Variants in ALK observed in about 807,000 individuals in gnomAD.
ALK encodes ALK receptor tyrosine kinase.
ALK carries 74 observed loss-of-function variants against 163.1 expected under a neutral mutation model. The observed-to-expected ratio is 0.45, with a 90% confidence interval of 0.38 to 0.55. The LOEUF (loss-of-function observed/expected upper bound fraction) is 0.55, where lower values mean the gene tolerates loss of function less well. ALK is among the 20% of genes least tolerant of loss of function. The pLI is 0.00. For synonymous variants in ALK, 960 were observed against 843.2 expected, an observed-to-expected ratio of 1.14 and a Z score of -2.40; for missense variants, 2,063 against 2,105.3, an observed-to-expected ratio of 0.98 and a Z score of 0.39.
intron 3 of ALK, among the ~76,000 whole-genome samples, chr2:29,573,846 T>A (rs2148192315): frequency 6.6e-6 from 1 of 152,006 alleles, no homozygotes; most frequent in African/African-American, 2.4e-5. Flanking sequence ...ATTCATGCAA[T>A]AAGGGAAAAT....
intron 5 of ALK, among the ~76,000 whole-genome samples, chr2:29,353,147 A>G (rs1455456884): frequency 6.6e-6 from 1 of 152,206 alleles, no homozygotes; most frequent in Non-Finnish European, 1.5e-5. Context: ...TCACTATTGT[A>G]AAACCTAAAA....
chr2:29,202,547 A>G (rs191250658), intron 26 of ALK, among the ~76,000 whole-genome samples: 2 of 152,360 alleles, frequency 1.3e-5, no homozygotes, highest in East Asian at 1.9e-4. Flanking sequence ...GTATCCTACA[A>G]TTGTATGTTT....
intron 4 of ALK, among the ~76,000 whole-genome samples, chr2:29,413,806 TAC>T (rs752623460): frequency 7.9e-5 from 12 of 152,214 alleles, no homozygotes; most frequent in Non-Finnish European, 1.5e-4. Context: ...GTGCTAGGAT[TAC>T]AGGCTTGAGG....
chr2:29,586,894 G>A (rs113089308), intron 3 of ALK, among the ~76,000 whole-genome samples: 2,215 of 152,226 alleles, frequency 0.015, 48 homozygotes, highest in African/African-American at 0.051. Context: ...ACAATTAAGG[G>A]TGATTATTTT....
Position 29,220,810 on chromosome 2 carries a change from G to A in ALK, c.3541C>T (p.Arg1181Cys), listed in dbSNP as rs56315533. Reference protein sequence around the residue: ...ISKFNHQNIVRCIGVSLQSLP... With the variant: ...ISKFNHQNIVCCIGVSLQSLP... ...GATTGCAGGCTCACCCCAATGCAGC[G>A]AACAATGTTCTGGTGGTTGAATTTG... Residue 1181 changes from arginine to cysteine, a missense_variant, in exon 23 of 29, where the codon CGC becomes TGC. This residue lies in a region of ALK where 575 missense variants were observed against 626.6 expected (regional missense o/e 0.92). Transcript: ENST00000389048. 60 of 1,614,014 alleles carry A rather than the reference G, an allele frequency of 3.7e-5. No individual in the cohort carries two copies. The highest frequency in any genetic ancestry group is 4.4e-5 in the Non-Finnish European group (52 of 1,179,984).
At chr2:29,266,310 C>T (rs2148208919) in intron 11 of ALK, among the ~76,000 whole-genome samples, 1 of 152,270 alleles carries the variant, frequency 6.6e-6, no homozygotes, top group South Asian at 2.1e-4. Context: ...ATATTAACCT[C>T]CCCTCCAGAT....
chr2:29,694,829 C>T lies in ALK; in HGVS notation c.952+21G>A, dbSNP rs753069376. On this transcript the variant is annotated intron_variant, in intron 3 of 28. Coordinates refer to ENST00000389048, the MANE Select transcript of ALK (RefSeq NM_004304.5). ...CCTGGCCCTGACCCACCCAGGACAT[C>T]ACCAGCAGCCTCTCCCTTACCTCTG... 9.3e-6 allele frequency: 15 copies of T among 1,613,192 alleles called. No individual in the cohort carries two copies. The Admixed American group carries it at 2.5e-4, about 27-fold the overall frequency.
chr2:29,566,000 G>A (rs1301262776), intron 3 of ALK, among the ~76,000 whole-genome samples: 2 of 152,158 alleles, frequency 1.3e-5, no homozygotes, highest in Non-Finnish European at 2.9e-5. Context: ...GACTCTCCCA[G>A]TGTGTCAAGC....
intron 4 of ALK, among the ~76,000 whole-genome samples, chr2:29,509,085 C>G (rs1013864645): frequency 1.3e-5 from 2 of 152,076 alleles, no homozygotes; most frequent in African/African-American, 4.8e-5. Flanking sequence ...TATGAGAAGA[C>G]CAGGTGCCCA....
intron 11 of ALK, among the ~76,000 whole-genome samples, chr2:29,273,549 G>A (rs1199990518): frequency 6.6e-6 from 1 of 152,214 alleles, no homozygotes; most frequent in Non-Finnish European, 1.5e-5. Flanking sequence ...AATAAACTCA[G>A]GAGTTGAGCA....
intron 5 of ALK, among the ~76,000 whole-genome samples, chr2:29,336,134 G>T (rs1004756015): frequency 6.6e-6 from 1 of 152,184 alleles, no homozygotes; most frequent in South Asian, 2.1e-4. Flanking sequence ...GAGGCCTGGA[G>T]ATCTTGGGCT....
intron 3 of ALK, among the ~76,000 whole-genome samples, chr2:29,590,987 C>T (rs1276555426): frequency 7.1e-6 from 1 of 141,210 alleles, no homozygotes; most frequent in Non-Finnish European, 1.5e-5. Flanking sequence ...AGGAGAATGG[C>T]ATGAACCTGG....
At chr2:29,454,355 C>G (rs1033232552) in intron 4 of ALK, among the ~76,000 whole-genome samples, 1 of 152,148 alleles carries the variant, frequency 6.6e-6, no homozygotes, top group Admixed American at 6.5e-5. Flanking sequence ...TACTTTAAAT[C>G]ATCTCCAGAT....
At chr2:29,457,469 G>A (rs748771431) in intron 4 of ALK, among the ~76,000 whole-genome samples, 1 of 152,112 alleles carries the variant, frequency 6.6e-6, no homozygotes, top group African/African-American at 2.4e-5. Flanking sequence ...GTGCATCTAT[G>A]GCCTCTGTGT....
At chr2:29,365,303 C>A (rs1311725612) in intron 5 of ALK, among the ~76,000 whole-genome samples, 1 of 152,204 alleles carries the variant, frequency 6.6e-6, no homozygotes, top group Admixed American at 6.5e-5. Flanking sequence ...ATAGGAAGCA[C>A]TCACAGATGC....
intron 5 of ALK, among the ~76,000 whole-genome samples, chr2:29,356,332 G>A (rs979895461): frequency 2.6e-5 from 4 of 152,114 alleles, no homozygotes; most frequent in African/African-American, 9.7e-5. Flanking sequence ...GCTCAGAGAG[G>A]TTACATAACT....
chr2:29,292,736 C>G (rs901154952), intron 9 of ALK, among the ~76,000 whole-genome samples: 8 of 152,186 alleles, frequency 5.3e-5, no homozygotes, highest in African/African-American at 1.9e-4. Context: ...ACTCATTATA[C>G]TATGGTTGTA....
At chr2:29,509,010 T>C (rs950415564) in intron 4 of ALK, among the ~76,000 whole-genome samples, 9 of 152,234 alleles carry the variant, frequency 5.9e-5, no homozygotes, top group Admixed American at 2.6e-4. Flanking sequence ...AAGAAATGGA[T>C]GTGAGTAGCG....
At chr2:29,502,354 A>T (rs1377890153) in intron 4 of ALK, among the ~76,000 whole-genome samples, 1 of 152,220 alleles carries the variant, frequency 6.6e-6, no homozygotes. Context: ...TGAATGAATG[A>T]ACCCAATAAG....
Sources: gnomAD v4.1 joint callset for allele counts (sites outside exome capture counted in the v4.1 genomes callset) on GRCh38, gnomAD v4.1.1 for gene constraint, gnomAD v4.1.1 regional missense constraint, MANE v1.5 for transcripts, NCBI Gene and HGNC (gene_info 2026-07-23, HGNC 2026-07-21) for gene names.